Variants in RIMS2 observed in about 807,000 individuals in gnomAD.
The protein encoded by RIMS2 is regulating synaptic membrane exocytosis 2, also known as regulating synaptic membrane exocytosis protein 2.
A neutral mutation model predicts 174.4 loss-of-function variants in RIMS2; 59 were observed. The observed-to-expected ratio is 0.34, with a 90% CI of 0.27 to 0.42. The LOEUF (loss-of-function observed/expected upper bound fraction) is 0.42, where lower values mean the gene tolerates loss of function less well. RIMS2 is among the 10% of genes least tolerant of loss of function. RIMS2 has a pLI of 1.00. For missense variants in RIMS2, 1,620 were observed against 1,666.3 expected (o/e 0.97, Z 0.48); for synonymous variants, 606 against 572.5 (o/e 1.06, Z -0.84).
At chr8:103,578,477 G>A (rs1479726789) in intron 1 of RIMS2, among the ~76,000 whole-genome samples, 2 of 151,982 alleles carry the variant, frequency 1.3e-5, no homozygotes, top group African/African-American at 4.8e-5. Context: ...GTTGCAGTGA[G>A]CCAAGATAGT....
At chr8:103,608,881 G>A (rs950739867) in intron 1 of RIMS2, among the ~76,000 whole-genome samples, 3 of 152,136 alleles carry the variant, frequency 2.0e-5, no homozygotes, top group African/African-American at 2.4e-5. Context: ...ACTGACCTGC[G>A]CCCACTGTCT....
At chr8:104,171,331 A>C (rs1194722954) in intron 19 of RIMS2, among the ~76,000 whole-genome samples, 1 of 151,440 alleles carries the variant, frequency 6.6e-6, no homozygotes, top group Non-Finnish European at 1.5e-5. Flanking sequence ...GACTTTGTTC[A>C]TATTTCTATT....
At chr8:103,834,736 C>CTTTCTTTCTTTCTT (rs1564830416) in intron 3 of RIMS2, among the ~76,000 whole-genome samples, 1 of 131,798 alleles carries the variant, frequency 7.6e-6, no homozygotes, top group Non-Finnish European at 1.6e-5. Flanking sequence ...TTCTTTCTTT[C>CTTTCTTTCTTTCTT]TTTCTTTCTC....
At chr8:103,666,653 A>G (rs530529000) in intron 1 of RIMS2, among the ~76,000 whole-genome samples, 2 of 152,190 alleles carry the variant, frequency 1.3e-5, no homozygotes, top group South Asian at 2.1e-4. Context: ...TAAAGTTTCA[A>G]TTTGATTATG....
intron 1 of RIMS2, among the ~76,000 whole-genome samples, chr8:103,586,784 A>G (rs558980665): frequency 1.3e-5 from 2 of 152,094 alleles, no homozygotes; most frequent in Non-Finnish European, 2.9e-5. Flanking sequence ...AACACAAAAG[A>G]TCAGTGAAAC....
intron 19 of RIMS2, among the ~76,000 whole-genome samples, chr8:104,185,926 A>T (rs1216221020): frequency 6.6e-6 from 1 of 151,674 alleles, no homozygotes; most frequent in African/African-American, 2.4e-5. Flanking sequence ...AGATACCTGT[A>T]CCCATATGTT....
chr8:103,580,649 A>G (rs775412821), intron 1 of RIMS2, among the ~76,000 whole-genome samples: 25 of 152,216 alleles, frequency 1.6e-4, no homozygotes, highest in Non-Finnish European at 3.4e-4. Context: ...CCATGAAGAA[A>G]TAGAAAACCT....
At position 104,055,739 on chromosome 8, in the gene RIMS2, T is replaced by TTTGC. The variant is rs1307748388; in HGVS notation, c.3334+41125_3334+41128dup. Among the ~76,000 whole-genome samples, 7 of 152,304 alleles carry TTTGC rather than the reference T, an allele frequency of 4.6e-5. 1 individual carries two copies. In the East Asian group the frequency reaches 9.7e-4, roughly 21 times the overall value. On this transcript the variant is annotated intron_variant, in intron 19 of 23. Coordinates refer to ENST00000504942, the Ensembl canonical transcript of RIMS2. ...AAAAAGAAATGTATATAGTGAAGCA[T>TTTGC]TTGCACTTTAGCCTAAAAGATCCTT...
rs10086828 is a variant in RIMS2, at chr8:103,659,226, G to C, written c.177-37860G>C. 3.8e-4 allele frequency among the ~76,000 whole-genome samples: 58 copies of C among 152,082 alleles called. 1 individual carries two copies. Among genetic ancestry groups the C allele is most frequent in the Non-Finnish European group, 5.7e-4 (39 of 67,984 alleles). ...GCCTGTGGGGACAGAGGAGGGAATG[G>C]GTGAAGAGGAGCAAGACTCTGGCAC... On this transcript the variant is annotated intron_variant, in intron 1 of 23. Transcript: ENST00000504942.
At chr8:103,553,810 G>T (rs1849152592) in intron 1 of RIMS2, among the ~76,000 whole-genome samples, 1 of 151,874 alleles carries the variant, frequency 6.6e-6, no homozygotes, top group Admixed American at 6.6e-5. Context: ...TATACTACAA[G>T]GCTACTGTAA....
chr8:103,670,633 T>C lies in RIMS2; in HGVS notation c.177-26453T>C, dbSNP rs188281470. Among the ~76,000 whole-genome samples, 340 of 152,282 alleles carry C rather than the reference T, an allele frequency of 2.2e-3. 1 individual carries two copies. The highest frequency in any genetic ancestry group is 8.0e-3 in the African/African-American group (331 of 41,566). ...TCAGGTTCAAAGTTCCACAAATCTC[T>C]AGGGCAGGGACAAAATGTTGCCAGT... On this transcript the variant is annotated intron_variant, in intron 1 of 23. Coordinates refer to ENST00000504942, the Ensembl canonical transcript of RIMS2.
chr8:103,732,464 C>T (rs2097613537), intron 2 of RIMS2, among the ~76,000 whole-genome samples: 1 of 152,140 alleles, frequency 6.6e-6, no homozygotes, highest in African/African-American at 2.4e-5. Context: ...TCTATGTTCA[C>T]TCAAGGCTTA....
At chr8:104,181,179 CT>C (rs765173880) in intron 19 of RIMS2, among the ~76,000 whole-genome samples, 25 of 151,546 alleles carry the variant, frequency 1.6e-4, no homozygotes, top group Non-Finnish European at 3.4e-4. Flanking sequence ...GAATAGGTGA[CT>C]TTTTCCTGAC....
At chr8:104,223,265 C>G (rs575596852) in intron 19 of RIMS2, 1 of 636,886 alleles carries the variant, frequency 1.6e-6, no homozygotes, top group East Asian at 1.2e-4. Flanking sequence ...CCGCCACCTC[C>G]CCCTCCGGCC....
chr8:104,080,113 G>T (rs537832457), intron 19 of RIMS2, among the ~76,000 whole-genome samples: 1 of 152,134 alleles, frequency 6.6e-6, no homozygotes, highest in East Asian at 1.9e-4. Flanking sequence ...AGAATGAGAA[G>T]ATTGGGCTTC....
At chr8:104,094,706 G>C in intron 19 of RIMS2, 1 of 692,602 alleles carries the variant, frequency 1.4e-6, no homozygotes, top group Non-Finnish European at 2.6e-6. Flanking sequence ...ATTTGCAAAG[G>C]AGATTCTCAC....
chr8:103,553,881 G>A (rs1430346679), intron 1 of RIMS2, among the ~76,000 whole-genome samples: 2 of 152,044 alleles, frequency 1.3e-5, no homozygotes, highest in African/African-American at 2.4e-5. Flanking sequence ...AGAATAGAGA[G>A]CCAAGAAATA....
chr8:104,010,324 A>G (rs920808834), intron 17 of RIMS2, among the ~76,000 whole-genome samples: 4 of 152,214 alleles, frequency 2.6e-5, no homozygotes, highest in African/African-American at 9.6e-5. Flanking sequence ...CCTTAGAATG[A>G]CTGAAAATAA....
At chr8:104,112,352 A>T (rs937890039) in intron 19 of RIMS2, among the ~76,000 whole-genome samples, 4 of 152,056 alleles carry the variant, frequency 2.6e-5, no homozygotes, top group Admixed American at 1.3e-4. Context: ...TTCTGGCTAA[A>T]AACTGATTTT....
Sources: allele counts gnomAD v4.1 joint callset (sites outside exome capture counted in the v4.1 genomes callset), GRCh38; gene constraint gnomAD v4.1.1; transcripts MANE v1.5; gene names NCBI Gene and HGNC (gene_info 2026-07-23, HGNC 2026-07-21).